Variants in BACE2 observed in about 807,000 individuals in gnomAD.
BACE2 encodes beta-secretase 2, also known as 56 kDa aspartic-like protease.
A neutral mutation model predicts 46.2 loss-of-function variants in BACE2; 17 were observed. The ratio of observed to expected loss-of-function variants is 0.37; its 90% CI spans 0.25 to 0.55. BACE2 has a LOEUF of 0.55. BACE2 is among the 20% of genes least tolerant of loss of function. BACE2 has a pLI of 0.82. For synonymous variants in BACE2, 277 were observed against 295.9 expected (o/e 0.94, Z 0.66); for missense variants, 595 against 698.1 (o/e 0.85, Z 1.66).
intron 8 of BACE2, among the ~76,000 whole-genome samples, chr21:41,266,103 T>A (rs1988061039): frequency 6.6e-6 from 1 of 152,242 alleles, no homozygotes; most frequent in Admixed American, 6.5e-5. Context: ...CATTGATATA[T>A]CTTATAGTAT....
At chr21:41,261,071 A>C (rs1033556532) in intron 8 of BACE2, among the ~76,000 whole-genome samples, 4 of 152,134 alleles carry the variant, frequency 2.6e-5, no homozygotes, top group African/African-American at 9.7e-5. Flanking sequence ...TTTTTATCTT[A>C]ATTAACATTT....
chr21:41,202,768 G>T (rs1305044850), intron 1 of BACE2, among the ~76,000 whole-genome samples: 1 of 152,172 alleles, frequency 6.6e-6, no homozygotes, highest in Non-Finnish European at 1.5e-5. Flanking sequence ...GGACCAATCG[G>T]TGCTCCCCAG....
chr21:41,268,440 A>G (rs7276801), intron 8 of BACE2, among the ~76,000 whole-genome samples: 2,401 of 152,332 alleles, frequency 0.016, 56 homozygotes, highest in African/African-American at 0.054. Flanking sequence ...AGTGAATGGC[A>G]TTCCTGGAAA....
At chr21:41,181,941 C>T (rs1262226026) in intron 1 of BACE2, 3 of 167,066 alleles carry the variant, frequency 1.8e-5, no homozygotes, top group African/African-American at 7.2e-5. Flanking sequence ...TCCACATACA[C>T]ACTAGCTTAG....
chr21:41,221,019 A>T (rs1396199729), intron 1 of BACE2, among the ~76,000 whole-genome samples: 2 of 145,686 alleles, frequency 1.4e-5, no homozygotes, highest in African/African-American at 5.2e-5. Flanking sequence ...ACACAGTGAG[A>T]CCCCATCTCA....
At position 41,275,759 on chromosome 21, in the gene BACE2, C is replaced by G; in HGVS notation, c.*135C>G. On this transcript the variant is annotated 3_prime_UTR_variant, in exon 9 of 9. Coordinates refer to ENST00000330333, the MANE Select transcript of BACE2 (RefSeq NM_012105.5). ...TCAATCTCTGTTCTGCTCCCAGATG[C>G]CTTCTAGATTCACTGTCTTTTGATT... 1 of 991,902 alleles carries G rather than the reference C, an allele frequency of 1.0e-6. No individual in the cohort carries two copies. 61.4% of individuals were successfully genotyped at this position (991,902 alleles called of 1,614,324 possible).
At chr21:41,272,919 A>T (rs1312700536) in intron 8 of BACE2, among the ~76,000 whole-genome samples, 1 of 152,164 alleles carries the variant, frequency 6.6e-6, no homozygotes, top group African/African-American at 2.4e-5. Flanking sequence ...ATTCAACATT[A>T]TTTCACGTAG....
At chr21:41,260,382 C>A (rs546428395) in intron 8 of BACE2, among the ~76,000 whole-genome samples, 1 of 152,208 alleles carries the variant, frequency 6.6e-6, no homozygotes, top group Non-Finnish European at 1.5e-5. Flanking sequence ...TGGGCTCAAG[C>A]GATCCTCCCA....
intron 1 of BACE2, among the ~76,000 whole-genome samples, chr21:41,191,543 A>G (rs961638764): frequency 5.3e-5 from 8 of 152,232 alleles, no homozygotes; most frequent in Admixed American, 5.2e-4. Context: ...TTCCAATATA[A>G]TCAACCTGCT....
chr21:41,180,496 G>A (rs1024964230), intron 1 of BACE2: 1 of 167,280 alleles, frequency 6.0e-6, no homozygotes, highest in African/African-American at 2.4e-5. Flanking sequence ...CCAGAGGCAG[G>A]ACGATTTCAT....
rs1392932891 is a variant in BACE2 at position 41,278,730 on chromosome 21, T to C, written c.*3106T>C. On this transcript the variant is annotated 3_prime_UTR_variant, in exon 9 of 9. Coordinates refer to ENST00000330333, the MANE Select transcript of BACE2 (RefSeq NM_012105.5). ...AGAGGTGAAGAGGGATTTAATTATT[T>C]AATACGCCGGGTGCAAACTTGTTAA... The C allele has an allele frequency of 1.3e-5, 2 of 152,202 alleles. No individual in the cohort carries two copies. Among genetic ancestry groups the C allele is most frequent in the Admixed American group, 1.3e-4 (2 of 15,278 alleles). 9.4% of individuals were successfully genotyped at this position (152,202 alleles called of 1,614,324 possible).
At chr21:41,225,639 TTG>T (rs1986793490) in intron 1 of BACE2, 1 of 152,354 alleles carries the variant, frequency 6.6e-6, no homozygotes, top group Non-Finnish European at 1.5e-5. Flanking sequence ...AAGGAACCTT[TTG>T]AGGTGAATAG....
intron 7 of BACE2, 76 bp downstream of exon 7, chr21:41,250,977 GA>G: frequency 7.4e-7 from 1 of 1,355,342 alleles, no homozygotes; most frequent in Non-Finnish European, 1.0e-6. Flanking sequence ...ACGTGTATTA[GA>G]TGTCACACCT....
At chr21:41,209,732 T>G (rs1396630203) in intron 1 of BACE2, among the ~76,000 whole-genome samples, 1 of 152,096 alleles carries the variant, frequency 6.6e-6, no homozygotes, top group Non-Finnish European at 1.5e-5. Context: ...GAGCTGGGGT[T>G]AGAATCTCGG....
intron 1 of BACE2, among the ~76,000 whole-genome samples, chr21:41,221,688 C>A (rs545722637): frequency 6.6e-6 from 1 of 151,960 alleles, no homozygotes; most frequent in East Asian, 1.9e-4. Context: ...ATTAGCTGGG[C>A]GTGGTGGCGG....
intron 1 of BACE2, among the ~76,000 whole-genome samples, chr21:41,172,289 AAAC>A (rs1984633469): frequency 6.6e-6 from 1 of 152,248 alleles, no homozygotes; most frequent in African/African-American, 2.4e-5. Flanking sequence ...AATCAGCTTG[AAAC>A]AACAAGGAGG....
chr21:41,168,844 G>A (rs1410670444), intron 1 of BACE2, among the ~76,000 whole-genome samples: 1 of 152,172 alleles, frequency 6.6e-6, no homozygotes, highest in African/African-American at 2.4e-5. Context: ...GGGGCTGGGC[G>A]GGAGAGGAGA....
At chr21:41,169,785 A>G (rs1369031169) in intron 1 of BACE2, among the ~76,000 whole-genome samples, 1 of 152,210 alleles carries the variant, frequency 6.6e-6, no homozygotes, top group East Asian at 1.9e-4. Flanking sequence ...CGTATATTCA[A>G]ACTTTGATTC....
intron 8 of BACE2, among the ~76,000 whole-genome samples, chr21:41,258,443 G>A (rs1294427308): frequency 1.3e-5 from 2 of 152,204 alleles, no homozygotes; most frequent in Admixed American, 6.5e-5. Context: ...CAACCCAGGT[G>A]AAGAGCTGCC....
Sources: gnomAD v4.1 joint callset for allele counts (sites outside exome capture counted in the v4.1 genomes callset) on GRCh38, gnomAD v4.1.1 for gene constraint, MANE v1.5 for transcripts, NCBI Gene and HGNC (gene_info 2026-07-23, HGNC 2026-07-21) for gene names.